Variants in GLIS3 observed in about 807,000 individuals in gnomAD.
The protein encoded by GLIS3 is GLIS family zinc finger 3.
In GLIS3, 53 loss-of-function variants were observed where a neutral mutation model predicts 78.6. The observed-to-expected ratio is 0.67, with a 90% CI of 0.54 to 0.85. The LOEUF is 0.85. Among genes scored for constraint, GLIS3 ranks in the 40% least tolerant of loss-of-function variants. The pLI is 0.00. For missense variants in GLIS3, 1,703 were observed against 1,231.1 expected, an observed-to-expected ratio of 1.38 and a Z score of -5.74; for synonymous variants, 684 against 509.9, an observed-to-expected ratio of 1.34 and a Z score of -4.60.
At chr9:4,483,904 T>C in the GLIS3 span, among the ~76,000 whole-genome samples, 1 of 152,180 alleles carries the variant, frequency 6.6e-6, no homozygotes, top group African/African-American at 2.4e-5. Flanking sequence ...TCTCATTTGA[T>C]TCTTCCAGCA....
At chr9:4,021,352 G>C (rs988894790) in intron 4 of GLIS3, among the ~76,000 whole-genome samples, 19 of 152,110 alleles carry the variant, frequency 1.2e-4, no homozygotes, top group African/African-American at 4.6e-4. Context: ...CTGAATAAGA[G>C]ATTTCTCATG....
the GLIS3 span, among the ~76,000 whole-genome samples, chr9:4,466,884 A>C: frequency 7.2e-5 from 11 of 152,218 alleles, no homozygotes; most frequent in African/African-American, 2.7e-4. Context: ...CTTCCTAGCC[A>C]AGGGAAGCCG....
At chr9:4,069,183 G>T (rs1247139134) in intron 4 of GLIS3, among the ~76,000 whole-genome samples, 1 of 152,178 alleles carries the variant, frequency 6.6e-6, no homozygotes, top group African/African-American at 2.4e-5. Flanking sequence ...AGATTTCTAA[G>T]ATACTGGCCA....
chr9:4,489,987 G>C, the GLIS3 span, among the ~76,000 whole-genome samples: 1 of 152,182 alleles, frequency 6.6e-6, no homozygotes, highest in Non-Finnish European at 1.5e-5. Flanking sequence ...TCAGGCTTTC[G>C]CGGCTGCTGG....
At chr9:3,901,836 T>C (rs1752436241) in intron 6 of GLIS3, among the ~76,000 whole-genome samples, 1 of 152,226 alleles carries the variant, frequency 6.6e-6, no homozygotes. Context: ...TTTGTTATTT[T>C]TGTACTAACC....
intron 2 of GLIS3, among the ~76,000 whole-genome samples, chr9:4,155,047 A>T (rs1834950354): frequency 6.6e-6 from 1 of 152,230 alleles, no homozygotes; most frequent in South Asian, 2.1e-4. Flanking sequence ...CACAAGACAC[A>T]TGCATGTATT....
intron 4 of GLIS3, among the ~76,000 whole-genome samples, chr9:3,978,162 A>T (rs1818940242): frequency 6.6e-6 from 1 of 152,200 alleles, no homozygotes; most frequent in Non-Finnish European, 1.5e-5. Flanking sequence ...ATGGTACAGG[A>T]AAGCGGATGG....
chr9:4,330,210 G>A (rs561031321), intron 2 of GLIS3, among the ~76,000 whole-genome samples: 3 of 152,192 alleles, frequency 2.0e-5, no homozygotes, highest in African/African-American at 4.8e-5. Context: ...TAGAAGGAAA[G>A]GAAAGAAGCA....
chr9:4,285,005 C>G (rs1338343117), intron 2 of GLIS3, among the ~76,000 whole-genome samples: 1 of 152,080 alleles, frequency 6.6e-6, no homozygotes, highest in Non-Finnish European at 1.5e-5. Flanking sequence ...TATCCAAACA[C>G]AGAAATACAC....
At chr9:4,395,172 C>T in the GLIS3 span, among the ~76,000 whole-genome samples, 1 of 152,142 alleles carries the variant, frequency 6.6e-6, no homozygotes, top group Non-Finnish European at 1.5e-5. Flanking sequence ...AAATTGGGCC[C>T]ATGAATTTAA....
intron 2 of GLIS3, among the ~76,000 whole-genome samples, chr9:4,227,986 T>C (rs1821921889): frequency 6.6e-6 from 1 of 152,140 alleles, no homozygotes; most frequent in Non-Finnish European, 1.5e-5. Context: ...CATGTCTAAC[T>C]TAGAAAACTT....
chr9:4,177,018 C>T (rs930510478), intron 2 of GLIS3, among the ~76,000 whole-genome samples: 2 of 152,134 alleles, frequency 1.3e-5, no homozygotes, highest in Non-Finnish European at 2.9e-5. Context: ...CATTTAACCC[C>T]TGACAATATG....
upstream of GLIS3, among the ~76,000 whole-genome samples, chr9:4,301,879 A>G (rs1478829687): frequency 4.6e-5 from 7 of 152,208 alleles, no homozygotes; most frequent in African/African-American, 1.7e-4. Flanking sequence ...CTCTTCATTT[A>G]TAAGAGCCCA....
chr9:4,482,534 C>T, the GLIS3 span, among the ~76,000 whole-genome samples: 1 of 152,150 alleles, frequency 6.6e-6, no homozygotes, highest in African/African-American at 2.4e-5. Context: ...CTCTGGTACT[C>T]CATGACCTCC....
chr9:4,238,900 G>A (rs1039632323), intron 2 of GLIS3, among the ~76,000 whole-genome samples: 2 of 152,108 alleles, frequency 1.3e-5, no homozygotes, highest in African/African-American at 4.8e-5. Context: ...AGCTACTGCA[G>A]TGACTTTTTC....
chr9:4,254,834 C>G (rs528438004), intron 2 of GLIS3, among the ~76,000 whole-genome samples: 3 of 142,070 alleles, frequency 2.1e-5, no homozygotes, highest in South Asian at 2.2e-4. Context: ...AGCAAGACTA[C>G]GTCTCAAAAA....
chr9:3,879,463 A>G lies in GLIS3; in HGVS notation c.2261T>C (p.Leu754Ser). The change falls in exon 8 of 11, where the codon TTA (leucine) becomes TCA (serine). Residue 754 changes from leucine (L) to serine (S), a missense_variant. Leu to Ser is a moderately radical substitution (Grantham distance 145, BLOSUM62 -2). Transcript: ENST00000381971. ...TGCGTCCACAGCTGTGAGTGGAGGT[A>G]ACTGGGAGGAGGGGTTGTGAGGGCT... ...QGSPHNPSSQ[L>S]PPLTAVDAGA... The G allele has an allele frequency of 6.2e-7, 1 of 1,614,088 alleles. No individual in the cohort carries two copies. The highest frequency in any genetic ancestry group is 8.5e-7 in the Non-Finnish European group (1 of 1,179,998).
chr9:4,272,421 G>A (rs190729679), intron 2 of GLIS3, among the ~76,000 whole-genome samples: 1 of 152,054 alleles, frequency 6.6e-6, no homozygotes, highest in Admixed American at 6.6e-5. Context: ...AACATCCTAT[G>A]GAAATATTTA....
Position 4,171,036 on chromosome 9 carries a change from T to A in GLIS3, c.389-45095A>T, listed in dbSNP as rs892776956. On this transcript the variant is annotated intron_variant, in intron 2 of 10. Transcript: ENST00000381971. ...TCATACGAGAACAATCAAGCTTCTATCAAAAGATGAGATTTATTGCCACCC... is the reference window on the plus strand; with the variant it reads ...TCATACGAGAACAATCAAGCTTCTAACAAAAGATGAGATTTATTGCCACCC... Among the ~76,000 whole-genome samples the A allele has an allele frequency of 3.3e-5, 5 of 152,194 alleles. No individual in the cohort carries two copies. In the South Asian group the frequency reaches 1.0e-3, roughly 31 times the overall value.
Sources: allele counts gnomAD v4.1 joint callset (sites outside exome capture counted in the v4.1 genomes callset), GRCh38; gene constraint gnomAD v4.1.1; transcripts MANE v1.5; gene names NCBI Gene and HGNC (gene_info 2026-07-23, HGNC 2026-07-21).